Variants in FARS2 observed in about 807,000 individuals in gnomAD.
The protein encoded by FARS2 is phenylalanyl-tRNA synthetase 2, mitochondrial.
In FARS2, 40 loss-of-function variants were observed where a neutral mutation model predicts 46.4. The observed-to-expected ratio is 0.86, with a 90% CI of 0.67 to 1.12. FARS2 has a LOEUF of 1.12. FARS2 is among the 50% of genes most tolerant of loss of function. The pLI is 0.00. For synonymous variants in FARS2, 234 were observed against 214.9 expected, an observed-to-expected ratio of 1.09 and a Z score of -0.78; for missense variants, 513 against 567.9, an observed-to-expected ratio of 0.90 and a Z score of 0.98.
At chr6:5,585,350 C>T (rs373400211) in intron 5 of FARS2, among the ~76,000 whole-genome samples, 1 of 152,050 alleles carries the variant, frequency 6.6e-6, no homozygotes, top group African/African-American at 2.4e-5. Flanking sequence ...GACGTCTGCT[C>T]TCATCAAATT....
At chr6:5,595,296 G>A (rs923209042) in intron 5 of FARS2, among the ~76,000 whole-genome samples, 28 of 152,150 alleles carry the variant, frequency 1.8e-4, no homozygotes, top group Admixed American at 2.6e-4. Context: ...TGCCTAGGAG[G>A]TCTACCCCTT....
intron 4 of FARS2, among the ~76,000 whole-genome samples, chr6:5,487,669 G>A (rs1766858566): frequency 1.3e-5 from 2 of 152,140 alleles, no homozygotes; most frequent in South Asian, 2.1e-4. Context: ...ACACGCATGG[G>A]TTCTCTTTTT....
At chr6:5,682,728 C>T (rs1779096202) in intron 6 of FARS2, among the ~76,000 whole-genome samples, 1 of 152,210 alleles carries the variant, frequency 6.6e-6, no homozygotes, top group Non-Finnish European at 1.5e-5. Flanking sequence ...AGGCTCTGCC[C>T]TCATGGAGCT....
chr6:5,667,696 G>A (rs925651701), intron 6 of FARS2, among the ~76,000 whole-genome samples: 1 of 152,088 alleles, frequency 6.6e-6, no homozygotes, highest in Non-Finnish European at 1.5e-5. Context: ...TAGAACATCA[G>A]AGCTGGATAA....
intron 5 of FARS2, among the ~76,000 whole-genome samples, chr6:5,612,108 A>G (rs917707522): frequency 6.6e-6 from 1 of 151,556 alleles, no homozygotes; most frequent in Non-Finnish European, 1.5e-5. Flanking sequence ...GATGCTAACT[A>G]TCGTGTTTGT....
chr6:5,538,525 A>G (rs1442008396), intron 4 of FARS2, among the ~76,000 whole-genome samples: 1 of 152,194 alleles, frequency 6.6e-6, no homozygotes, highest in Non-Finnish European at 1.5e-5. Context: ...CCGATTATGT[A>G]GCACATGGCA....
intron 1 of FARS2, among the ~76,000 whole-genome samples, chr6:5,270,256 T>C (rs567491033): frequency 6.6e-6 from 1 of 152,332 alleles, no homozygotes; most frequent in East Asian, 1.9e-4. Flanking sequence ...TTTCAAGTCT[T>C]GGAGCACTTT....
intron 6 of FARS2, among the ~76,000 whole-genome samples, chr6:5,756,068 C>T (rs547145106): frequency 1.3e-5 from 2 of 152,222 alleles, no homozygotes; most frequent in Non-Finnish European, 2.9e-5. Flanking sequence ...AGAATACCCA[C>T]ACCGGGCAGG....
intron 1 of FARS2, among the ~76,000 whole-genome samples, chr6:5,325,318 G>C (rs924256972): frequency 9.9e-5 from 15 of 152,226 alleles, no homozygotes; most frequent in African/African-American, 3.6e-4. Context: ...TAAGGAAATT[G>C]CCAAAGCAAT....
intron 5 of FARS2, among the ~76,000 whole-genome samples, chr6:5,578,823 AAAAAAAAAAAC>A (rs1561727258): frequency 4.5e-5 from 2 of 44,920 alleles, no homozygotes; most frequent in African/African-American, 1.3e-4. Flanking sequence ...AAAAAAAAAA[AAAAAAAAAAAC>A]AAAAAAAAAA....
intron 6 of FARS2, among the ~76,000 whole-genome samples, chr6:5,667,528 A>T (rs202144134): frequency 9.9e-6 from 1 of 101,382 alleles, no homozygotes; most frequent in Non-Finnish European, 2.0e-5. Context: ...AAGAAAAAAA[A>T]AAAAAGATTA....
chr6:5,344,552 C>G (rs1757105777), intron 1 of FARS2, among the ~76,000 whole-genome samples: 2 of 152,186 alleles, frequency 1.3e-5, no homozygotes. Flanking sequence ...GAAGCATCTC[C>G]TTGAAGCCTT....
At chr6:5,668,550 GA>G (rs1298119076) in intron 6 of FARS2, among the ~76,000 whole-genome samples, 1 of 152,132 alleles carries the variant, frequency 6.6e-6, no homozygotes, top group African/African-American at 2.4e-5. Context: ...TAATTCAGGC[GA>G]AACATTTGTT....
At chr6:5,476,642 G>A (rs1766140388) in intron 4 of FARS2, among the ~76,000 whole-genome samples, 1 of 152,170 alleles carries the variant, frequency 6.6e-6, no homozygotes, top group South Asian at 2.1e-4. Context: ...AATATCATGG[G>A]GAGGGGTTGG....
chr6:5,346,369 A>T (rs1757230950), intron 1 of FARS2, among the ~76,000 whole-genome samples: 1 of 152,160 alleles, frequency 6.6e-6, no homozygotes. Flanking sequence ...GGAGTCATTA[A>T]AATTATTTTA....
intron 4 of FARS2, among the ~76,000 whole-genome samples, chr6:5,484,938 G>A (rs1008502194): frequency 6.6e-6 from 1 of 152,204 alleles, no homozygotes; most frequent in African/African-American, 2.4e-5. Context: ...AGGAACCCCT[G>A]TGAAAAAGCC....
rs141293124 is a variant in FARS2, at chr6:5,715,001, G to A, written c.1218-56290G>A. 6.1e-3 allele frequency among the ~76,000 whole-genome samples: 934 copies of A among 152,000 alleles called. 6 individuals carry two copies. Among genetic ancestry groups the A allele is most frequent in the African/African-American group, 0.021 (869 of 41,440 alleles). On this transcript the variant is annotated intron_variant, in intron 6 of 6. Coordinates refer to ENST00000274680, the MANE Select transcript of FARS2 (RefSeq NM_006567.5). ...GATCGCGCCACTGCACTCCAGCCTGGGCAACAGAGCGAGATTTCATCTCAA... is the reference window on the plus strand; with the variant it reads ...GATCGCGCCACTGCACTCCAGCCTGAGCAACAGAGCGAGATTTCATCTCAA...
At chr6:5,583,446 A>C (rs1305411653) in intron 5 of FARS2, among the ~76,000 whole-genome samples, 5 of 152,192 alleles carry the variant, frequency 3.3e-5, no homozygotes, top group African/African-American at 1.2e-4. Context: ...CTCTGCTTCC[A>C]AGAGATTTCA....
intron 6 of FARS2, among the ~76,000 whole-genome samples, chr6:5,623,720 T>TA (rs1561759988): frequency 1.4e-3 from 132 of 95,698 alleles, no homozygotes; most frequent in Non-Finnish European, 1.9e-3. Flanking sequence ...TCAAAAAAAA[T>TA]AAATAAATAA....
Sources: gnomAD v4.1 joint callset for allele counts (sites outside exome capture counted in the v4.1 genomes callset) on GRCh38, gnomAD v4.1.1 for gene constraint, MANE v1.5 for transcripts, NCBI Gene and HGNC (gene_info 2026-07-23, HGNC 2026-07-21) for gene names.